Variants in CASP2 observed in about 807,000 individuals in gnomAD.
CASP2 encodes caspase 2.
CASP2 carries 38 observed loss-of-function variants against 54.4 expected under a neutral mutation model. That is an observed-to-expected ratio of 0.70 (90% confidence interval 0.54 to 0.92). The LOEUF (loss-of-function observed/expected upper bound fraction) is 0.92, where lower values mean the gene tolerates loss of function less well. Among genes scored for constraint, CASP2 ranks in the 40% least tolerant of loss-of-function variants. The pLI is 0.00. For missense variants in CASP2, 512 were observed against 579.6 expected (o/e 0.88, Z 1.20); for synonymous variants, 215 against 216.3 (o/e 0.99, Z 0.05).
Position 143,288,852 on chromosome 7 carries a change from C to T in CASP2, c.74+323C>T, listed in dbSNP as rs1801468225. On this transcript the variant is annotated intron_variant, in intron 1 of 10. Transcript: ENST00000310447. Reference sequence around the variant, plus strand: ...TCTTGAAGATTCTTCATCCTTTCCTCTGGCTCCCTTATGAGGGAAACTATA... The same window carrying T: ...TCTTGAAGATTCTTCATCCTTTCCTTTGGCTCCCTTATGAGGGAAACTATA... Among the ~76,000 whole-genome samples, 3 of 152,268 alleles carry T rather than the reference C, an allele frequency of 2.0e-5. No homozygotes were observed. The South Asian group carries it at 6.2e-4, about 31-fold the overall frequency.
chr7:143,292,208 T>C, intron 2 of CASP2, 92 bp from the exon 3 acceptor site: 1 of 1,302,676 alleles, frequency 7.7e-7, no homozygotes, highest in South Asian at 1.2e-5. Flanking sequence ...AAAGAATTCT[T>C]GGATGAGGAC....
chr7:143,303,602 G>A (rs1801983931), intron 8 of CASP2, 182 bp from the exon 9 acceptor site: 3 of 551,130 alleles, frequency 5.4e-6, no homozygotes, highest in Non-Finnish European at 9.7e-6. Context: ...AGTAACAGAT[G>A]CATGCTGAGA....
At chr7:143,288,760 C>A (rs1431104404) in intron 1 of CASP2, among the ~76,000 whole-genome samples, 1 of 152,248 alleles carries the variant, frequency 6.6e-6, no homozygotes, top group East Asian at 1.9e-4. Flanking sequence ...CTGCCCCAGC[C>A]TCCCTTTGTT....
rs765550494 is a variant in CASP2 at position 143,304,926 on chromosome 7, T to C, written c.1228-14T>C. On this transcript the variant is annotated splice_polypyrimidine_tract_variant and intron_variant, in intron 10 of 10. Transcript: ENST00000310447. ...AGATTCTCAGACTTGGGCCTATTGGTTCTGCCCCTCCAGGTGAACGCACTT... is the reference window on the plus strand; with the variant it reads ...AGATTCTCAGACTTGGGCCTATTGGCTCTGCCCCTCCAGGTGAACGCACTT... 19 of 1,614,098 alleles carry C rather than the reference T, an allele frequency of 1.2e-5. No individual in the cohort carries two copies. Among genetic ancestry groups the C allele is most frequent in the Admixed American group, 1.7e-5 (1 of 60,008 alleles).
chr7:143,303,109 GAAAA>G (rs147532034), intron 8 of CASP2: 2 of 147,978 alleles, frequency 1.4e-5, no homozygotes, highest in Admixed American at 6.7e-5. Context: ...ATTAAAAAAA[GAAAA>G]AAAAAGATTT....
intron 6 of CASP2, among the ~76,000 whole-genome samples, chr7:143,296,967 C>T (rs1801773087): frequency 6.6e-6 from 1 of 152,134 alleles, no homozygotes. Flanking sequence ...TTATGATTTA[C>T]CCTATGTTAG....
chr7:143,293,098 A>G (rs1801629736), intron 4 of CASP2: 2 of 639,136 alleles, frequency 3.1e-6, no homozygotes, highest in South Asian at 1.8e-5. Context: ...TTGTCCTAAC[A>G]TGAGCCCTTT....
In CASP2 at chr7:143,306,084, C is replaced by G. The variant is rs1220094023; in HGVS notation, c.*1013C>G. 6.6e-6 allele frequency: 1 copy of G among 152,130 alleles called. No homozygotes were observed. The highest frequency in any genetic ancestry group is 1.5e-5 in the Non-Finnish European group (1 of 68,034). 9.4% of individuals were successfully genotyped at this position (152,130 alleles called of 1,614,324 possible). Reference sequence around the variant, plus strand: ...CCTGCTTTACAGGATCATGTAAATGCTCAAAGATGTAATGTAGTTCTTTGT... The same window carrying G: ...CCTGCTTTACAGGATCATGTAAATGGTCAAAGATGTAATGTAGTTCTTTGT... On this transcript the variant is annotated 3_prime_UTR_variant, in exon 11 of 11. Transcript: ENST00000310447.
intron 6 of CASP2, among the ~76,000 whole-genome samples, chr7:143,295,760 G>A (rs1031034882): frequency 6.6e-6 from 1 of 152,182 alleles, no homozygotes; most frequent in Non-Finnish European, 1.5e-5. Context: ...AGGTACCTGG[G>A]TGTTGTCCTT....
chr7:143,292,741 C>T (rs202118504), intron 4 of CASP2, 43 bp downstream of exon 4: 43 of 1,503,294 alleles, frequency 2.9e-5, no homozygotes, highest in Non-Finnish European at 3.5e-5. Context: ...CCAGGTGCCA[C>T]GGCTTACGCC....
intron 6 of CASP2, among the ~76,000 whole-genome samples, chr7:143,299,587 C>CT (rs1801854328): frequency 6.6e-6 from 1 of 152,178 alleles, no homozygotes; most frequent in Non-Finnish European, 1.5e-5. Flanking sequence ...GGCAGTTGCT[C>CT]TAATGAAGGA....
At chr7:143,292,746 T>TA (rs1801614639) in intron 4 of CASP2, 48 bp downstream of exon 4, 1 of 1,491,122 alleles carries the variant, frequency 6.7e-7, no homozygotes, top group Non-Finnish European at 9.3e-7. Context: ...TGCCACGGCT[T>TA]ACGCCTATAA....
chr7:143,305,645 G>GATA lies in CASP2; in HGVS notation c.*574_*575insATA. 1.7e-5 allele frequency: 3 copies of GATA among 176,798 alleles called. No individual in the cohort carries two copies. The highest frequency in any genetic ancestry group is 3.7e-5 in the Non-Finnish European group (3 of 81,150). 11.0% of individuals were successfully genotyped at this position (176,798 alleles called of 1,614,324 possible). ...CGGCCTGTGCGTTCCCTTCAGTACT[G>GATA]CAGCGCCACCCAGTGGAAGGACACT... On this transcript the variant is annotated 3_prime_UTR_variant, in exon 11 of 11. Coordinates refer to ENST00000310447, the MANE Select transcript of CASP2 (RefSeq NM_032982.4).
chr7:143,303,686 C>G, intron 8 of CASP2, 98 bp from the exon 9 acceptor site: 1 of 1,054,836 alleles, frequency 9.5e-7, no homozygotes, highest in Non-Finnish European at 1.5e-6. Context: ...ATGGCTCTTC[C>G]CCTTCAAGGT....
intron 4 of CASP2, chr7:143,293,114 G>T (rs374514321): frequency 2.5e-3 from 1,437 of 563,816 alleles, no homozygotes; most frequent in African/African-American, 4.1e-3. Context: ...CCTTTTTTTT[G>T]TTTTTTTTTT....
intron 5 of CASP2, 45 bp downstream of exon 5, chr7:143,294,369 G>A: frequency 1.5e-6 from 2 of 1,334,678 alleles, no homozygotes. Context: ...TGGGAAATTA[G>A]ACACCCTTCC....
chr7:143,291,605 T>C lies in CASP2; in HGVS notation c.140T>C (p.Leu47Pro). 2 of 1,614,072 alleles carry C rather than the reference T, an allele frequency of 1.2e-6. No homozygotes were observed. Among genetic ancestry groups the C allele is most frequent in the Non-Finnish European group, 1.7e-6 (2 of 1,179,968 alleles). The part of the protein sequence containing the change: ...QETLKKNRVV[L>P]AKQLLLSELL... ...ACTCTAAAAAAGAACCGAGTGGTGC[T>C]AGCCAAACAGCTGTTGTTGAGCGAA... Residue 47 changes from leucine to proline, a missense_variant, in exon 2 of 11, where the codon CTA becomes CCA. Around this residue, in one of 3 missense-constraint regions of CASP2, gnomAD observed 89 missense variants for 67.1 expected, o/e 1.33. Transcript: ENST00000310447.
In CASP2 at chr7:143,305,252, T is replaced by C; in HGVS notation, c.*181T>C. 3 of 771,628 alleles carry C rather than the reference T, an allele frequency of 3.9e-6. No homozygotes were observed. The South Asian group carries it at 4.6e-5, about 12-fold the overall frequency. The allele number at this position is 771,628 out of a possible 1,614,324, so 47.8% of individuals were successfully genotyped here. ...GAGTGTGGGACTCCAGGCCAGCTCC[T>C]TTTCTGTGAAGCCCTTTGCCTGTAG... is the stretch of plus-strand genomic sequence containing the variant. On this transcript the variant is annotated 3_prime_UTR_variant, in exon 11 of 11. Coordinates refer to ENST00000310447, the MANE Select transcript of CASP2 (RefSeq NM_032982.4).
Position 143,305,026 on chromosome 7 carries a change from T to C in CASP2, c.1314T>C (p.Thr438=), listed in dbSNP as rs571284229. Reference sequence around the variant, plus strand: ...AGGAGATGTCTGAATACTGCAGCACTCTGTGCCGCCACCTCTACCTGTTCC... The same window carrying C: ...AGGAGATGTCTGAATACTGCAGCACCCTGTGCCGCCACCTCTACCTGTTCC... The part of the protein sequence containing the change: ...RCKEMSEYCS[T]LCRHLYLFPG... The change falls in exon 11 of 11, where the codon ACT becomes ACC. Residue 438 remains threonine (T), a synonymous_variant. Coordinates refer to ENST00000310447, the MANE Select transcript of CASP2 (RefSeq NM_032982.4). 1 of 1,614,116 alleles carries C rather than the reference T, an allele frequency of 6.2e-7. No individual in the cohort carries two copies. The highest frequency in any genetic ancestry group is 1.1e-5 in the South Asian group (1 of 91,088).
Sources: gnomAD v4.1 joint callset for allele counts (sites outside exome capture counted in the v4.1 genomes callset) on GRCh38, gnomAD v4.1.1 for gene constraint, gnomAD v4.1.1 regional missense constraint, MANE v1.5 for transcripts, NCBI Gene and HGNC (gene_info 2026-07-23, HGNC 2026-07-21) for gene names.